Variants in NFIB observed in about 807,000 individuals in gnomAD.
NFIB encodes the protein nuclear factor 1 B-type.
In NFIB, 11 loss-of-function variants were observed where a neutral mutation model predicts 61.5. That is an observed-to-expected ratio of 0.18 (90% CI 0.11 to 0.30). The LOEUF is 0.30. NFIB is among the 10% of genes least tolerant of loss of function. The probability of loss-of-function intolerance (pLI) is 1.00; values close to 1 mark genes in which losing one functional copy is unlikely to be tolerated. For synonymous variants in NFIB, 260 were observed against 216.5 expected, an observed-to-expected ratio of 1.20 and a Z score of -1.76; for missense variants, 471 against 608.9, an observed-to-expected ratio of 0.77 and a Z score of 2.38.
the NFIB span, among the ~76,000 whole-genome samples, chr9:14,427,776 C>T: frequency 1.4e-4 from 22 of 151,758 alleles, no homozygotes; most frequent in Admixed American, 6.6e-5. Flanking sequence ...AGAGGAGAGT[C>T]GGTGGCACAC....
intron 1 of NFIB, among the ~76,000 whole-genome samples, chr9:14,375,959 C>A (rs993883427): frequency 1.3e-5 from 2 of 152,218 alleles, no homozygotes; most frequent in East Asian, 3.8e-4. Context: ...AGCTTGAGAA[C>A]CCAGTCTGCT....
At chr9:14,389,453 A>AT (rs755698924) in intron 1 of NFIB, among the ~76,000 whole-genome samples, 3 of 152,274 alleles carry the variant, frequency 2.0e-5, no homozygotes, top group Middle Eastern at 6.8e-3. Flanking sequence ...TAAGATATAG[A>AT]TTTTTCCTTC....
chr9:14,332,525 T>G, intron 1 of NFIB, among the ~76,000 whole-genome samples: 1 of 152,068 alleles, frequency 6.6e-6, no homozygotes, highest in Admixed American at 6.5e-5. Context: ...CATAAATATT[T>G]ATGGAGCACC....
chr9:14,246,669 C>T (rs952478275), intron 2 of NFIB, among the ~76,000 whole-genome samples: 2 of 152,130 alleles, frequency 1.3e-5, no homozygotes, highest in East Asian at 3.9e-4. Flanking sequence ...AATTAACAGG[C>T]AAATATTAGG....
chr9:14,117,267 ACTAT>A (rs755421237), intron 8 of NFIB, among the ~76,000 whole-genome samples: 7 of 152,340 alleles, frequency 4.6e-5, no homozygotes, highest in Non-Finnish European at 1.0e-4. Flanking sequence ...AAAAGATGTT[ACTAT>A]CTGAGTTTTA....
At chr9:14,204,246 A>G in intron 2 of NFIB, 1 of 614,262 alleles carries the variant, frequency 1.6e-6, no homozygotes, top group East Asian at 2.7e-5. Context: ...CCACTGCCCA[A>G]GATGTGGAAA....
At chr9:14,273,751 C>G (rs2057790205) in intron 2 of NFIB, among the ~76,000 whole-genome samples, 1 of 152,152 alleles carries the variant, frequency 6.6e-6, no homozygotes, top group South Asian at 2.1e-4. Flanking sequence ...CACTTAATCT[C>G]AGCACGCATC....
At chr9:14,154,216 A>T (rs2043147502) in intron 4 of NFIB, among the ~76,000 whole-genome samples, 1 of 152,086 alleles carries the variant, frequency 6.6e-6, no homozygotes, top group Non-Finnish European at 1.5e-5. Flanking sequence ...AATATTACCT[A>T]TCATGAGGTA....
chr9:14,261,690 A>G (rs2056769158), intron 2 of NFIB, among the ~76,000 whole-genome samples: 1 of 152,122 alleles, frequency 6.6e-6, no homozygotes, highest in Non-Finnish European at 1.5e-5. Context: ...GGGACAGTAA[A>G]TGATTTTTAG....
chr9:14,392,631 G>C (rs947412600), intron 1 of NFIB, among the ~76,000 whole-genome samples: 1 of 151,992 alleles, frequency 6.6e-6, no homozygotes, highest in Non-Finnish European at 1.5e-5. Flanking sequence ...AGGACGCTGA[G>C]ATCTATTGAA....
In NFIB at chr9:14,231,119, GGAAAA is replaced by G. The variant is rs758415280; in HGVS notation, c.563-51344_563-51340del. Reference sequence around the variant, plus strand: ...TCCTTGGCCTACAGTTTTTCCATGGGGAAAAAAAAAAAAAAAATATATATATATAT... The same window carrying G: ...TCCTTGGCCTACAGTTTTTCCATGGGAAAAAAAAAAAATATATATATATAT... On this transcript the variant is annotated intron_variant, in intron 2 of 10. Transcript: ENST00000380953. Among the ~76,000 whole-genome samples, 58 of 35,420 alleles carry G rather than the reference GGAAAA, an allele frequency of 1.6e-3. 1 individual carries two copies. The highest frequency in any genetic ancestry group is 4.9e-3 in the African/African-American group (46 of 9,440). The allele number at this position is 35,420 out of a possible 152,430, so 23.2% of individuals were successfully genotyped here. A position where few individuals can be genotyped will look rare whatever the true frequency, so the allele number is the denominator to read the frequency against.
At position 14,084,601 on chromosome 9, in the gene NFIB, G is replaced by A. The variant is rs1015984536; in HGVS notation, c.*3708C>T. ...AGGCACTGTGAGTGGTGGGTGGCAG[G>A]GCAGCACACAAAGGCTGAACAGTGC... On this transcript the variant is annotated 3_prime_UTR_variant, in exon 11 of 11. Coordinates refer to ENST00000380953, the MANE Select transcript of NFIB (RefSeq NM_001190737.2). 4.4e-6 allele frequency: 1 copy of A among 228,860 alleles called. No individual in the cohort carries two copies. The highest frequency in any genetic ancestry group is 2.2e-5 in the African/African-American group (1 of 45,010). 14.2% of individuals were successfully genotyped at this position (228,860 alleles called of 1,614,324 possible). A position where few individuals can be genotyped will look rare whatever the true frequency, so the allele number is the denominator to read the frequency against.
intron 2 of NFIB, among the ~76,000 whole-genome samples, chr9:14,212,971 C>A (rs937368883): frequency 1.3e-5 from 2 of 152,176 alleles, no homozygotes; most frequent in Non-Finnish European, 1.5e-5. Flanking sequence ...CCTGCTTCCC[C>A]ATTCCAGTCT....
intron 6 of NFIB, among the ~76,000 whole-genome samples, chr9:14,145,143 C>T (rs2042148988): frequency 6.6e-6 from 1 of 152,048 alleles, no homozygotes; most frequent in East Asian, 1.9e-4. Flanking sequence ...GGGGGTCTCA[C>T]AGTCAAAACT....
chr9:14,472,292 G>A, the NFIB span, among the ~76,000 whole-genome samples: 544 of 152,322 alleles, frequency 3.6e-3, 6 homozygotes, highest in African/African-American at 0.013. Context: ...AAAGTGTATT[G>A]TTCTCAACGA....
intron 2 of NFIB, among the ~76,000 whole-genome samples, chr9:14,284,040 A>T (rs927225753): frequency 6.6e-6 from 1 of 152,152 alleles, no homozygotes; most frequent in African/African-American, 2.4e-5. Context: ...AGTGGGAGTG[A>T]AGCTGGGAAT....
At chr9:14,209,344 G>A (rs2050076541) in intron 2 of NFIB, among the ~76,000 whole-genome samples, 1 of 152,196 alleles carries the variant, frequency 6.6e-6, no homozygotes, top group Non-Finnish European at 1.5e-5. Flanking sequence ...GCAATGACGG[G>A]CACTGACAAA....
chr9:14,179,631 A>T, intron 3 of NFIB, 96 bp downstream of exon 3: 1 of 1,352,904 alleles, frequency 7.4e-7, no homozygotes, highest in Non-Finnish European at 1.0e-6. Context: ...CCAGAACAAA[A>T]TAGGCAGCTG....
At chr9:14,417,179 C>A in the NFIB span, among the ~76,000 whole-genome samples, 3 of 152,146 alleles carry the variant, frequency 2.0e-5, no homozygotes, top group Admixed American at 6.5e-5. Context: ...GTGTGAGCCA[C>A]CACACCCGGC....
Sources: gnomAD v4.1 joint callset for allele counts (sites outside exome capture counted in the v4.1 genomes callset) on GRCh38, gnomAD v4.1.1 for gene constraint, MANE v1.5 for transcripts, NCBI Gene and HGNC (gene_info 2026-07-23, HGNC 2026-07-21) for gene names.